Variants in ANO5 observed in about 807,000 individuals in gnomAD.
ANO5 encodes anoctamin-5.
ANO5 carries 109 observed loss-of-function variants against 121.0 expected under a neutral mutation model. The observed-to-expected ratio is 0.90, with a 90% CI of 0.77 to 1.06. ANO5 has a LOEUF of 1.06. ANO5 is among the 50% of genes least tolerant of loss of function. The pLI is 0.00. For synonymous variants in ANO5, 406 were observed against 359.9 expected (o/e 1.13, Z -1.45); for missense variants, 1,064 against 1,078.5 (o/e 0.99, Z 0.19).
chr11:22,264,314 C>T (rs1854290670), intron 17 of ANO5, among the ~76,000 whole-genome samples: 1 of 151,942 alleles, frequency 6.6e-6, no homozygotes, highest in South Asian at 2.1e-4. Flanking sequence ...CGTAAGCCAC[C>T]ATGCCTGGCC....
At chr11:22,275,644 G>T (rs1370571359) in intron 20 of ANO5, among the ~76,000 whole-genome samples, 1 of 151,776 alleles carries the variant, frequency 6.6e-6, no homozygotes, top group African/African-American at 2.4e-5. Context: ...TACAGCATCA[G>T]AACAGCCAAG....
At chr11:22,245,699 A>G (rs1332087480) in intron 9 of ANO5, among the ~76,000 whole-genome samples, 1 of 152,076 alleles carries the variant, frequency 6.6e-6, no homozygotes, top group African/African-American at 2.4e-5. Flanking sequence ...TTAATTTATA[A>G]ACAGAGTTTC....
intron 13 of ANO5, among the ~76,000 whole-genome samples, chr11:22,256,036 G>A (rs567429545): frequency 6.6e-6 from 1 of 152,172 alleles, no homozygotes; most frequent in East Asian, 1.9e-4. Context: ...TCTTCACACG[G>A]CCCCTTTTAA....
intron 21 of ANO5, among the ~76,000 whole-genome samples, chr11:22,276,667 C>T (rs542051162): frequency 8.0e-5 from 12 of 150,710 alleles, no homozygotes; most frequent in Middle Eastern, 3.4e-3. Flanking sequence ...CACTCCCAAG[C>T]TTATGCTCTG....
rs1032770967 is a variant in ANO5 at position 22,281,802 on chromosome 11, A to C, written c.*2037A>C. On this transcript the variant is annotated 3_prime_UTR_variant, in exon 22 of 22. Transcript: ENST00000324559. ...CTGCAGTTTTAAAATATACCAACTA[A>C]ATTATTGGGTTTCTGGAAGTGAATG... The C allele has an allele frequency of 1.3e-5, 2 of 152,108 alleles. No individual in the cohort carries two copies. Among genetic ancestry groups the C allele is most frequent in the African/African-American group, 4.8e-5 (2 of 41,458 alleles). The allele number at this position is 152,108 out of a possible 1,614,324, so 9.4% of individuals were successfully genotyped here. A position where few individuals can be genotyped will look rare whatever the true frequency, so the allele number is the denominator to read the frequency against.
rs753077370 is a variant in ANO5, at chr11:22,257,660, T to C, written c.1333-20T>C. 6.3e-7 allele frequency: 1 copy of C among 1,585,978 alleles called. No homozygotes were observed. The highest frequency in any genetic ancestry group is 1.7e-5 in the Admixed American group (1 of 59,922). Reference sequence around the variant, plus strand: ...AGAGGGGAGATTTTGAATTTCTTTGTGATTTCTTCAATATTACAGGAGATG... The same window carrying C: ...AGAGGGGAGATTTTGAATTTCTTTGCGATTTCTTCAATATTACAGGAGATG... On this transcript the variant is annotated intron_variant, in intron 13 of 21. Coordinates refer to ENST00000324559, the MANE Select transcript of ANO5 (RefSeq NM_213599.3).
chr11:22,240,777 A>G (rs1853402609), intron 9 of ANO5, among the ~76,000 whole-genome samples: 3 of 148,328 alleles, frequency 2.0e-5, no homozygotes, highest in Admixed American at 1.4e-4. Flanking sequence ...ATTTAGTCCT[A>G]TTTTTGTGTT....
intron 3 of ANO5, among the ~76,000 whole-genome samples, chr11:22,217,639 T>C (rs577713459): frequency 3.2e-4 from 48 of 152,132 alleles, no homozygotes; most frequent in Non-Finnish European, 6.3e-4. Flanking sequence ...GGGACATGGA[T>C]GTAGCTGGAG....
intron 3 of ANO5, among the ~76,000 whole-genome samples, chr11:22,213,746 T>G (rs1590227057): frequency 6.6e-6 from 1 of 152,114 alleles, no homozygotes; most frequent in South Asian, 2.1e-4. Context: ...GGAATTGTTT[T>G]GTGTGTCGGG....
At chr11:22,264,238 TG>T (rs1323974015) in intron 17 of ANO5, among the ~76,000 whole-genome samples, 1 of 152,000 alleles carries the variant, frequency 6.6e-6, no homozygotes, top group Non-Finnish European at 1.5e-5. Flanking sequence ...TTGACCAGGC[TG>T]GTCTGGAACT....
intron 16 of ANO5, among the ~76,000 whole-genome samples, chr11:22,262,686 C>G (rs1854229682): frequency 6.6e-6 from 1 of 152,134 alleles, no homozygotes; most frequent in Non-Finnish European, 1.5e-5. Flanking sequence ...CCAACCCTAA[C>G]CCAGATATAA....
intron 3 of ANO5, among the ~76,000 whole-genome samples, chr11:22,212,831 T>TA (rs1852324120): frequency 6.6e-6 from 1 of 151,060 alleles, no homozygotes; most frequent in South Asian, 2.1e-4. Context: ...TTTTTTTTTT[T>TA]ACTCTTGATT....
intron 1 of ANO5, among the ~76,000 whole-genome samples, chr11:22,194,365 G>C (rs558712567): frequency 1.8e-4 from 27 of 152,250 alleles, no homozygotes; most frequent in African/African-American, 6.3e-4. Context: ...CAAAAGATCT[G>C]ATCATTACTA....
intron 18 of ANO5, among the ~76,000 whole-genome samples, chr11:22,272,302 GCACA>G (rs60487083): frequency 0.032 from 4,345 of 134,524 alleles, 80 homozygotes; most frequent in South Asian, 0.043. Flanking sequence ...TCCTTTTCCG[GCACA>G]CACACACACA....
At chr11:22,197,286 A>T (rs989933501) in intron 1 of ANO5, among the ~76,000 whole-genome samples, 2 of 152,188 alleles carry the variant, frequency 1.3e-5, no homozygotes, top group African/African-American at 4.8e-5. Context: ...GCAGAAGTTA[A>T]TAGAGCACTT....
At chr11:22,207,066 G>T (rs950102602) in intron 2 of ANO5, among the ~76,000 whole-genome samples, 6 of 151,896 alleles carry the variant, frequency 4.0e-5, no homozygotes, top group Non-Finnish European at 7.4e-5. Flanking sequence ...TAAGAAGGTT[G>T]TAAAAAATAA....
Position 22,227,480 on chromosome 11 carries a change from A to C in ANO5, c.542A>C (p.Tyr181Ser). Reference protein sequence around the residue: ...GPVRLPLSVKYPHPEYFTAQF... With the variant: ...GPVRLPLSVKSPHPEYFTAQF... ...GTAAGACTCCCACTGAGTGTGAAGT[A>C]TCCCCATCCTGAATATTTTACTGCA... Residue 181 changes from tyrosine (Y) to serine (S), a missense_variant, in exon 7 of 22, where the codon TAT becomes TCT. Transcript: ENST00000324559. The C allele has an allele frequency of 6.2e-7, 1 of 1,613,616 alleles. No homozygotes were observed. Among genetic ancestry groups the C allele is most frequent in the Non-Finnish European group, 8.5e-7 (1 of 1,179,768 alleles).
chr11:22,253,123 G>T (rs1436171677), intron 12 of ANO5, among the ~76,000 whole-genome samples: 1 of 152,022 alleles, frequency 6.6e-6, no homozygotes, highest in Admixed American at 6.6e-5. Flanking sequence ...AATGAAAAAG[G>T]TCAAGTCCTA....
chr11:22,247,563 T>C (rs1590278806), intron 9 of ANO5, among the ~76,000 whole-genome samples: 1 of 152,064 alleles, frequency 6.6e-6, no homozygotes, highest in African/African-American at 2.4e-5. Flanking sequence ...TAATGGATTA[T>C]TGGATATGGA....
Sources: gnomAD v4.1 joint callset for allele counts (sites outside exome capture counted in the v4.1 genomes callset) on GRCh38, gnomAD v4.1.1 for gene constraint, MANE v1.5 for transcripts, NCBI Gene and HGNC (gene_info 2026-07-23, HGNC 2026-07-21) for gene names.